The following RNGTT variants were observed in gnomAD, a reference collection of about 807,000 sequenced individuals.
RNGTT encodes RNA guanylyltransferase and 5'-phosphatase.
Under a neutral mutation model 79.3 loss-of-function variants are expected in RNGTT, and 33 were observed. The observed-to-expected ratio is 0.42, with a 90% CI of 0.32 to 0.56. RNGTT has a LOEUF of 0.56. Among genes scored for constraint, RNGTT ranks in the 20% least tolerant of loss-of-function variants. The pLI is 0.17. For missense variants in RNGTT, 497 were observed against 739.1 expected, an observed-to-expected ratio of 0.67 and a Z score of 3.80; for synonymous variants, 222 against 235.9, an observed-to-expected ratio of 0.94 and a Z score of 0.54.
At chr6:88,748,608 GT>G in intron 13 of RNGTT, among the ~76,000 whole-genome samples, 1 of 151,896 alleles carries the variant, frequency 6.6e-6, no homozygotes, top group Admixed American at 6.6e-5. Flanking sequence ...TATTTGTTAT[GT>G]TTATTGTCTG....
intron 11 of RNGTT, among the ~76,000 whole-genome samples, chr6:88,826,886 T>C (rs1780685327): frequency 6.8e-6 from 1 of 146,902 alleles, no homozygotes; most frequent in Non-Finnish European, 1.5e-5. Flanking sequence ...CTATAAAAAT[T>C]ACTTTAAAAT....
intron 13 of RNGTT, among the ~76,000 whole-genome samples, chr6:88,748,066 C>T (rs942745568): frequency 1.4e-4 from 22 of 152,052 alleles, no homozygotes; most frequent in African/African-American, 5.1e-4. Context: ...TGTTTCTCAC[C>T]ATTACTAATG....
At chr6:88,932,837 A>G in intron 2 of RNGTT, among the ~76,000 whole-genome samples, 1 of 152,174 alleles carries the variant, frequency 6.6e-6, no homozygotes, top group Middle Eastern at 3.2e-3. Context: ...ACGCACACCT[A>G]AACTGAGGCT....
At chr6:88,848,869 C>T (rs939689695) in intron 10 of RNGTT, among the ~76,000 whole-genome samples, 2 of 152,032 alleles carry the variant, frequency 1.3e-5, no homozygotes, top group African/African-American at 4.8e-5. Flanking sequence ...ACAAATCTAG[C>T]TGGTCAGTAC....
At chr6:88,738,419 C>T (rs994252908) in intron 13 of RNGTT, among the ~76,000 whole-genome samples, 4 of 152,122 alleles carry the variant, frequency 2.6e-5, no homozygotes, top group Admixed American at 2.0e-4. Context: ...TCTGAATAAG[C>T]TACAGACCTT....
chr6:88,647,221 T>C (rs1435524739), intron 14 of RNGTT, among the ~76,000 whole-genome samples: 3 of 152,262 alleles, frequency 2.0e-5, no homozygotes, highest in East Asian at 3.9e-4. Context: ...TTAATGGTAA[T>C]AGTATGCTAC....
intron 12 of RNGTT, among the ~76,000 whole-genome samples, chr6:88,770,888 GC>G (rs1778633065): frequency 6.6e-6 from 1 of 151,948 alleles, no homozygotes; most frequent in Non-Finnish European, 1.5e-5. Flanking sequence ...TTTGTTTATT[GC>G]TATCTGTATA....
chr6:88,940,279 A>G (rs1784806190), intron 2 of RNGTT, among the ~76,000 whole-genome samples: 1 of 151,786 alleles, frequency 6.6e-6, no homozygotes, highest in South Asian at 2.1e-4. Flanking sequence ...GGTTTTTGCC[A>G]TGTTGGCCAG....
At chr6:88,849,005 C>A (rs190587408) in intron 10 of RNGTT, among the ~76,000 whole-genome samples, 1 of 152,078 alleles carries the variant, frequency 6.6e-6, no homozygotes, top group East Asian at 1.9e-4. Context: ...TAAGCCCAGA[C>A]TGAACATGTA....
In RNGTT at chr6:88,929,213, T is replaced by A. The variant is rs367559875; in HGVS notation, c.229A>T (p.Asn77Tyr). The A allele has an allele frequency of 6.2e-7, 1 of 1,610,996 alleles. No homozygotes were observed. Among genetic ancestry groups the A allele is most frequent in the African/African-American group, 1.3e-5 (1 of 74,810 alleles). ...TTGATTCCTTCTTTTTCTATGTCAT[T>A]TCGGTCATAGAACCTTGAAGTATTT... ...LTNTSRFYDRNDIEKEGIKYI... is the reference protein window; with the variant it reads ...LTNTSRFYDRYDIEKEGIKYI... The change falls in exon 3 of 16, where the codon AAT (asparagine) becomes TAT (tyrosine). Residue 77 changes from asparagine (N) to tyrosine (Y), a missense_variant. This residue lies in a region of RNGTT where 440 missense variants were observed against 671.5 expected (regional missense o/e 0.66). Coordinates refer to ENST00000369485, the MANE Select transcript of RNGTT (RefSeq NM_003800.5).
intron 4 of RNGTT, among the ~76,000 whole-genome samples, chr6:88,920,965 T>C (rs1784145811): frequency 6.6e-6 from 1 of 152,190 alleles, no homozygotes; most frequent in South Asian, 2.1e-4. Context: ...TGCCAAATTT[T>C]GGAGCACAGG....
intron 13 of RNGTT, among the ~76,000 whole-genome samples, chr6:88,698,507 T>C (rs940762643): frequency 2.6e-5 from 4 of 151,116 alleles, no homozygotes; most frequent in African/African-American, 9.7e-5. Context: ...TCAAACAGAG[T>C]AACTACTGGC....
chr6:88,623,220 T>C (rs1286811027), intron 14 of RNGTT, among the ~76,000 whole-genome samples: 2 of 151,930 alleles, frequency 1.3e-5, no homozygotes, highest in Non-Finnish European at 2.9e-5. Context: ...GATCTTATGA[T>C]CTTGGATGCT....
At chr6:88,803,368 G>A (rs907275787) in intron 11 of RNGTT, among the ~76,000 whole-genome samples, 4 of 151,918 alleles carry the variant, frequency 2.6e-5, no homozygotes, top group African/African-American at 7.3e-5. Context: ...GAGGTCAGGA[G>A]TTCAAGACCA....
At chr6:88,959,194 T>C (rs1240934478) in intron 1 of RNGTT, among the ~76,000 whole-genome samples, 1 of 145,654 alleles carries the variant, frequency 6.9e-6, no homozygotes, top group Non-Finnish European at 1.5e-5. Context: ...ATAATGGACT[T>C]TGGGTACTCA....
intron 8 of RNGTT, among the ~76,000 whole-genome samples, chr6:88,866,185 G>A (rs541032130): frequency 3.9e-5 from 6 of 152,252 alleles, no homozygotes; most frequent in Admixed American, 2.0e-4. Flanking sequence ...TGCCACTTCC[G>A]TGGGATAGAA....
chr6:88,888,547 T>C (rs1383704914), intron 8 of RNGTT, among the ~76,000 whole-genome samples: 1 of 152,222 alleles, frequency 6.6e-6, no homozygotes, highest in Admixed American at 6.5e-5. Context: ...ATATCTTTCT[T>C]TGTATAACTG....
intron 13 of RNGTT, among the ~76,000 whole-genome samples, chr6:88,685,434 A>G (rs1257953013): frequency 6.6e-6 from 1 of 152,140 alleles, no homozygotes; most frequent in Admixed American, 6.6e-5. Flanking sequence ...TAAATGTGGA[A>G]AAAGACCTAT....
chr6:88,782,560 C>A (rs543732103), intron 12 of RNGTT, among the ~76,000 whole-genome samples: 71 of 150,674 alleles, frequency 4.7e-4, no homozygotes, highest in Non-Finnish European at 9.1e-4. Context: ...GGGACTATAT[C>A]AAACTAAAAA....
Sources: allele counts gnomAD v4.1 joint callset (sites outside exome capture counted in the v4.1 genomes callset), GRCh38; gene constraint gnomAD v4.1.1; regional missense constraint gnomAD v4.1.1; transcripts MANE v1.5; gene names NCBI Gene and HGNC (gene_info 2026-07-23, HGNC 2026-07-21).